The following PTPRT variants were observed in gnomAD, a reference collection of about 807,000 sequenced individuals.
PTPRT encodes the protein protein tyrosine phosphatase receptor type T.
Under a neutral mutation model 176.8 loss-of-function variants are expected in PTPRT, and 56 were observed. The observed-to-expected ratio is 0.32, with a 90% CI of 0.26 to 0.40. The LOEUF (loss-of-function observed/expected upper bound fraction) is 0.40, where lower values mean the gene tolerates loss of function less well. Among genes scored for constraint, PTPRT ranks in the 10% least tolerant of loss-of-function variants. The pLI, the probability that PTPRT is intolerant of heterozygous loss-of-function variation, is 1.00. For missense variants in PTPRT, 1,540 were observed against 1,908.2 expected (o/e 0.81, Z 3.60); for synonymous variants, 783 against 739.0 (o/e 1.06, Z -0.96).
chr20:42,096,076 C>T (rs1985192062), intron 27 of PTPRT, among the ~76,000 whole-genome samples: 1 of 152,186 alleles, frequency 6.6e-6, no homozygotes, highest in South Asian at 2.1e-4. Context: ...CTCCCTAAAC[C>T]TTGGGGACTT....
intron 6 of PTPRT, among the ~76,000 whole-genome samples, chr20:42,679,585 A>G (rs554033735): frequency 2.0e-5 from 3 of 152,360 alleles, no homozygotes; most frequent in African/African-American, 7.2e-5. Flanking sequence ...TATCTCTAAC[A>G]TCCAACATAG....
intron 2 of PTPRT, among the ~76,000 whole-genome samples, chr20:42,828,241 G>A (rs2078029186): frequency 6.6e-6 from 1 of 152,178 alleles, no homozygotes; most frequent in South Asian, 2.1e-4. Flanking sequence ...CTTTTGTTAT[G>A]CTTTAGCAAA....
chr20:42,098,931 G>T lies in PTPRT; in HGVS notation c.3715-379C>A, dbSNP rs372689639. Among the ~76,000 whole-genome samples the T allele has an allele frequency of 1.7e-4, 26 of 152,376 alleles. No individual in the cohort carries two copies. The East Asian group carries it at 4.2e-3, about 25-fold the overall frequency. On this transcript the variant is annotated intron_variant, in intron 26 of 30. Transcript: ENST00000373187. Reference sequence around the variant, plus strand: ...GGATTGGCCGCATCCCTGTGGCCACGATGCTGGGCGAGGTTTTGGGTCGGC... The same window carrying T: ...GGATTGGCCGCATCCCTGTGGCCACTATGCTGGGCGAGGTTTTGGGTCGGC...
chr20:42,788,024 T>C (rs2077316906), intron 3 of PTPRT, among the ~76,000 whole-genome samples: 4 of 152,114 alleles, frequency 2.6e-5, no homozygotes, highest in Admixed American at 2.6e-4. Flanking sequence ...CTAAAACATA[T>C]TACACAAAAG....
At chr20:42,585,738 ATTGC>A (rs1357332370) in intron 7 of PTPRT, among the ~76,000 whole-genome samples, 16 of 152,116 alleles carry the variant, frequency 1.1e-4, no homozygotes, top group African/African-American at 3.6e-4. Flanking sequence ...TTACCTGTAG[ATTGC>A]TTTATGATTT....
At chr20:42,942,323 G>A (rs918074535) in intron 1 of PTPRT, among the ~76,000 whole-genome samples, 1 of 152,192 alleles carries the variant, frequency 6.6e-6, no homozygotes, top group Admixed American at 6.5e-5. Flanking sequence ...CAACCCATCC[G>A]CAGTTTCCAG....
At chr20:42,102,521 G>A (rs1986043380) in intron 25 of PTPRT, among the ~76,000 whole-genome samples, 1 of 152,080 alleles carries the variant, frequency 6.6e-6, no homozygotes, top group Non-Finnish European at 1.5e-5. Context: ...AAACGCCAAG[G>A]CTGCAGAAGC....
At chr20:42,250,210 A>G (rs1034436626) in intron 13 of PTPRT, among the ~76,000 whole-genome samples, 4 of 152,250 alleles carry the variant, frequency 2.6e-5, no homozygotes, top group African/African-American at 7.2e-5. Flanking sequence ...CCTCAGGGGC[A>G]AGATTACGCC....
intron 28 of PTPRT, 111 bp downstream of exon 28, chr20:42,085,617 T>C: frequency 6.8e-7 from 1 of 1,465,716 alleles, no homozygotes; most frequent in South Asian, 1.3e-5. Context: ...GAAGAAATTA[T>C]CAGGAGAGCA....
intron 24 of PTPRT, 52 bp downstream of exon 24, chr20:42,106,734 C>T (rs1367972805): frequency 6.3e-7 from 1 of 1,582,574 alleles, no homozygotes; most frequent in Non-Finnish European, 8.6e-7. Flanking sequence ...CATCATGTTT[C>T]TCCTTGGTCA....
chr20:42,237,803 G>T (rs1014313504), intron 14 of PTPRT, among the ~76,000 whole-genome samples: 5 of 152,130 alleles, frequency 3.3e-5, no homozygotes, highest in African/African-American at 1.2e-4. Flanking sequence ...GACAATAAAT[G>T]ATACATTTAT....
chr20:42,156,384 G>T (rs1989355512), intron 17 of PTPRT, among the ~76,000 whole-genome samples: 1 of 152,168 alleles, frequency 6.6e-6, no homozygotes, highest in Non-Finnish European at 1.5e-5. Flanking sequence ...TTGAAATTCT[G>T]AAAGGCCTGG....
intron 6 of PTPRT, chr20:42,688,191 C>T (rs1431956236): frequency 1.3e-5 from 2 of 152,286 alleles, no homozygotes; most frequent in East Asian, 1.9e-4. Context: ...TCTCTTTCTG[C>T]TTCAAGGTCC....
chr20:42,753,762 C>T (rs540947040), intron 6 of PTPRT, among the ~76,000 whole-genome samples: 58 of 152,340 alleles, frequency 3.8e-4, no homozygotes, highest in Middle Eastern at 3.4e-3. Flanking sequence ...GCCACCTCTC[C>T]GAATAAAGCA....
chr20:42,460,464 T>C (rs1295547540), intron 8 of PTPRT, among the ~76,000 whole-genome samples: 1 of 152,160 alleles, frequency 6.6e-6, no homozygotes, highest in Non-Finnish European at 1.5e-5. Context: ...CTGGCCAACC[T>C]CTGGTATGGA....
At chr20:42,190,154 T>G (rs1008120642) in intron 16 of PTPRT, among the ~76,000 whole-genome samples, 3 of 152,210 alleles carry the variant, frequency 2.0e-5, no homozygotes, top group Non-Finnish European at 2.9e-5. Flanking sequence ...CCAGATTCAA[T>G]TTAATCTTGG....
intron 1 of PTPRT, among the ~76,000 whole-genome samples, chr20:43,048,878 C>A (rs993070848): frequency 1.3e-5 from 2 of 152,110 alleles, no homozygotes; most frequent in Non-Finnish European, 2.9e-5. Context: ...GCAAGTGACC[C>A]TCACGAAGAC....
At chr20:42,707,465 C>T (rs948193525) in intron 6 of PTPRT, among the ~76,000 whole-genome samples, 3 of 152,040 alleles carry the variant, frequency 2.0e-5, no homozygotes, top group Admixed American at 6.6e-5. Context: ...TTCCTTCTGG[C>T]GAAAGAGATG....
intron 15 of PTPRT, among the ~76,000 whole-genome samples, chr20:42,205,216 C>T (rs2055425840): frequency 6.6e-6 from 1 of 152,076 alleles, no homozygotes; most frequent in African/African-American, 2.4e-5. Flanking sequence ...GCACCTAACG[C>T]CTGAATTCCC....
Sources: allele counts gnomAD v4.1 joint callset (sites outside exome capture counted in the v4.1 genomes callset), GRCh38; gene constraint gnomAD v4.1.1; transcripts MANE v1.5; gene names NCBI Gene and HGNC (gene_info 2026-07-23, HGNC 2026-07-21).